PTPRZ1: variants seen among roughly 807,000 people sequenced by gnomAD.
The protein encoded by PTPRZ1 is protein tyrosine phosphatase receptor type Z1.
A neutral mutation model predicts 214.1 loss-of-function variants in PTPRZ1; 82 were observed. The ratio of observed to expected loss-of-function variants is 0.38; its 90% CI spans 0.32 to 0.46. PTPRZ1 has a LOEUF of 0.46. PTPRZ1 is among the 20% of genes least tolerant of loss of function. PTPRZ1 has a pLI of 1.00. For missense variants in PTPRZ1, 2,603 were observed against 2,748.7 expected, an observed-to-expected ratio of 0.95 and a Z score of 1.19; for synonymous variants, 945 against 987.9, an observed-to-expected ratio of 0.96 and a Z score of 0.81.
chr7:122,034,466 A>T, intron 17 of PTPRZ1, 88 bp downstream of exon 17: 3 of 1,198,058 alleles, frequency 2.5e-6, no homozygotes, highest in Non-Finnish European at 3.6e-6. Flanking sequence ...CTGAGAGCTG[A>T]CCTTAGTGTG....
chr7:121,974,705 G>T (rs977171335), intron 4 of PTPRZ1, among the ~76,000 whole-genome samples: 19 of 151,912 alleles, frequency 1.3e-4, no homozygotes, highest in African/African-American at 4.6e-4. Context: ...GGCCAGGCTG[G>T]TCTTGAACTC....
intron 1 of PTPRZ1, among the ~76,000 whole-genome samples, chr7:121,901,895 A>G (rs796454884): frequency 3.3e-5 from 5 of 152,336 alleles, no homozygotes; most frequent in African/African-American, 1.2e-4. Flanking sequence ...TTTGAAGAAT[A>G]CAATACATTA....
intron 3 of PTPRZ1, among the ~76,000 whole-genome samples, chr7:121,970,790 G>A (rs1797218779): frequency 1.3e-5 from 2 of 152,128 alleles, no homozygotes; most frequent in Non-Finnish European, 2.9e-5. Context: ...TTGCTGTGCA[G>A]AAGCTCTTTA....
At position 122,058,875 on chromosome 7, in the gene PTPRZ1, T is replaced by G. The variant is rs1562887419; in HGVS notation, c.6604T>G (p.Phe2202Val). The G allele has an allele frequency of 6.3e-7, 1 of 1,593,620 alleles. No individual in the cohort carries two copies. Residue 2202 changes from phenylalanine (F) to valine (V), a missense_variant, in exon 28 of 30, where the codon TTT becomes GTT. Physicochemically the swap from Phe to Val is conservative, Grantham distance 50. This residue lies in a region of PTPRZ1 where 165 missense variants were observed against 151.4 expected (regional missense o/e 1.09). Coordinates refer to ENST00000393386, the MANE Select transcript of PTPRZ1 (RefSeq NM_002851.3). ...TCCAGATAGCCCCATTAGTAAAACT[T>G]TTGAACTTATAAGTGTTATAAAAGA... is the stretch of plus-strand genomic sequence containing the variant. The part of the protein sequence containing the change: ...PNPDSPISKT[F>V]ELISVIKEEA...
intron 1 of PTPRZ1, among the ~76,000 whole-genome samples, chr7:121,875,512 C>T (rs1484381424): frequency 1.3e-5 from 2 of 152,140 alleles, no homozygotes; most frequent in Admixed American, 6.5e-5. Context: ...GTTTGTTGGA[C>T]ATTTTCTTTA....
chr7:122,019,338 GGT>G, intron 13 of PTPRZ1, 70 bp downstream of exon 13: 1 of 1,424,658 alleles, frequency 7.0e-7, no homozygotes, highest in African/African-American at 1.4e-5. Context: ...TCATCTGAAA[GGT>G]CTTCAAAGCA....
At chr7:121,915,007 C>G (rs1795380303) in intron 1 of PTPRZ1, among the ~76,000 whole-genome samples, 1 of 152,132 alleles carries the variant, frequency 6.6e-6, no homozygotes, top group African/African-American at 2.4e-5. Flanking sequence ...AAAACTGCAT[C>G]AATTCTTTTT....
chr7:122,038,911 T>C (rs766953650), intron 19 of PTPRZ1, 22 bp downstream of exon 19: 2 of 1,611,264 alleles, frequency 1.2e-6, no homozygotes, highest in Non-Finnish European at 1.7e-6. Flanking sequence ...ATCTGTTATG[T>C]CACCCCCAAA....
In PTPRZ1 at chr7:122,011,266, G is replaced by A. The variant is rs202060214; in HGVS notation, c.2220G>A (p.Thr740=). ...PSSRQQDLVS[T]VNVVYSQTTQ... is the part of the protein sequence containing the mutation. ...CCAGACAACAGGATTTGGTCTCCAC[G>A]GTCAACGTGGTATACTCGCAGACAA... The change falls in exon 12 of 30, where the codon ACG becomes ACA. Residue 740 remains threonine, a synonymous_variant. Transcript: ENST00000393386. 1.3e-5 allele frequency: 21 copies of A among 1,613,832 alleles called. No individual in the cohort carries two copies. Among genetic ancestry groups the A allele is most frequent in the Admixed American group, 5.0e-5 (3 of 60,006 alleles).
intron 1 of PTPRZ1, among the ~76,000 whole-genome samples, chr7:121,886,008 G>A (rs919038199): frequency 2.0e-5 from 3 of 152,118 alleles, no homozygotes; most frequent in African/African-American, 4.8e-5. Context: ...ATCTTTATGC[G>A]ATGAGTTCTC....
At chr7:121,880,720 T>C (rs758427732) in intron 1 of PTPRZ1, among the ~76,000 whole-genome samples, 22 of 152,224 alleles carry the variant, frequency 1.4e-4, no homozygotes, top group Non-Finnish European at 2.5e-4. Flanking sequence ...GATTTTCTAA[T>C]GGTTTTTATT....
intron 11 of PTPRZ1, among the ~76,000 whole-genome samples, chr7:122,005,430 C>G (rs1194502405): frequency 6.6e-6 from 1 of 151,812 alleles, no homozygotes; most frequent in Non-Finnish European, 1.5e-5. Context: ...AAAAGTGTGA[C>G]AACTAGTGCT....
Position 122,008,128 on chromosome 7 carries a change from A to G in PTPRZ1, c.1288-2206A>G, listed in dbSNP as rs1419517796. On this transcript the variant is annotated intron_variant, in intron 11 of 29. Transcript: ENST00000393386. ...CAATAAAAATTTTATGAAAATTTAC[A>G]TTGCTTATAGGAGGATATGATAAAG... Among the ~76,000 whole-genome samples the G allele has an allele frequency of 2.0e-5, 3 of 152,162 alleles. No homozygotes were observed. The East Asian group carries it at 5.8e-4, about 29-fold the overall frequency.
intron 23 of PTPRZ1, among the ~76,000 whole-genome samples, chr7:122,050,854 A>G (rs956915756): frequency 6.6e-6 from 1 of 152,158 alleles, no homozygotes; most frequent in African/African-American, 2.4e-5. Context: ...TAAAACACTG[A>G]ATAACTGAAT....
chr7:122,045,714 A>ACACACACAC (rs1554369592), intron 23 of PTPRZ1, among the ~76,000 whole-genome samples: 1 of 150,984 alleles, frequency 6.6e-6, no homozygotes, highest in Admixed American at 6.6e-5. Context: ...ACACACACAC[A>ACACACACAC]ATATTACCCA....
At chr7:121,960,455 A>G (rs905007014) in intron 2 of PTPRZ1, among the ~76,000 whole-genome samples, 1 of 152,218 alleles carries the variant, frequency 6.6e-6, no homozygotes, top group African/African-American at 2.4e-5. Context: ...AATCAGTTCT[A>G]TGTATACTGT....
intron 4 of PTPRZ1, among the ~76,000 whole-genome samples, chr7:121,974,007 G>T (rs1797350215): frequency 6.7e-6 from 1 of 149,000 alleles, no homozygotes; most frequent in African/African-American, 2.5e-5. Context: ...GATTTTCTCT[G>T]GGTGATGGCA....
intron 1 of PTPRZ1, among the ~76,000 whole-genome samples, chr7:121,894,006 T>C (rs1213640869): frequency 1.3e-5 from 2 of 152,174 alleles, no homozygotes; most frequent in East Asian, 1.9e-4. Flanking sequence ...TAGTAAATGG[T>C]TGATTGACAT....
At chr7:122,057,769 A>G (rs1314202360) in intron 27 of PTPRZ1, among the ~76,000 whole-genome samples, 1 of 151,066 alleles carries the variant, frequency 6.6e-6, no homozygotes, top group Non-Finnish European at 1.5e-5. Flanking sequence ...TTAAAAAAAT[A>G]CCTTTTACCC....
Sources: allele counts gnomAD v4.1 joint callset (sites outside exome capture counted in the v4.1 genomes callset), GRCh38; gene constraint gnomAD v4.1.1; regional missense constraint gnomAD v4.1.1; transcripts MANE v1.5; gene names NCBI Gene and HGNC (gene_info 2026-07-23, HGNC 2026-07-21).